Variants in FAM47E observed in about 807,000 individuals in gnomAD.
The protein encoded by FAM47E is protein FAM47E.
Under a neutral mutation model 41.6 loss-of-function variants are expected in FAM47E, and 32 were observed. The ratio of observed to expected loss-of-function variants is 0.77; its 90% CI spans 0.58 to 1.03. The LOEUF (loss-of-function observed/expected upper bound fraction) is 1.03, where lower values mean the gene tolerates loss of function less well. FAM47E is among the 50% of genes least tolerant of loss of function. FAM47E has a pLI of 0.00. For missense variants in FAM47E, 424 were observed against 485.4 expected (o/e 0.87, Z 1.19); for synonymous variants, 184 against 188.7 (o/e 0.98, Z 0.20).
At chr4:76,236,932 G>A (rs1733597759) in intron 2 of FAM47E, among the ~76,000 whole-genome samples, 1 of 144,896 alleles carries the variant, frequency 6.9e-6, no homozygotes, top group Admixed American at 7.0e-5. Context: ...GTCTCACTGT[G>A]TCACCCAGGC....
At chr4:76,220,898 AG>A (rs1250518986) in intron 2 of FAM47E, among the ~76,000 whole-genome samples, 1 of 152,190 alleles carries the variant, frequency 6.6e-6, no homozygotes, top group Non-Finnish European at 1.5e-5. Context: ...CTGGGACCAC[AG>A]GGGTTTCTTC....
At chr4:76,227,209 G>A (rs1733413470) in intron 2 of FAM47E, among the ~76,000 whole-genome samples, 1 of 152,068 alleles carries the variant, frequency 6.6e-6, no homozygotes, top group South Asian at 2.1e-4. Flanking sequence ...GTGCCAGAGG[G>A]TTTGATAAGT....
intron 7 of FAM47E, chr4:76,282,163 C>T (rs1204613904): frequency 2.6e-5 from 4 of 152,172 alleles, no homozygotes. Context: ...CACAATCTTT[C>T]CATAACCTAT....
At chr4:76,272,501 G>T (rs1255155632) in intron 5 of FAM47E, among the ~76,000 whole-genome samples, 1 of 152,114 alleles carries the variant, frequency 6.6e-6, no homozygotes, top group African/African-American at 2.4e-5. Context: ...CAATATTTGG[G>T]ACATATTAAT....
Position 76,283,461 on chromosome 4 carries a change from G to C in FAM47E, c.*3G>C, listed in dbSNP as rs1464337948. 1.3e-6 allele frequency: 2 copies of C among 1,514,410 alleles called. No homozygotes were observed. Among genetic ancestry groups the C allele is most frequent in the Non-Finnish European group, 1.8e-6 (2 of 1,113,758 alleles). The allele number at this position is 1,514,410 out of a possible 1,614,324, so 93.8% of individuals were successfully genotyped here. A position where few individuals can be genotyped will look rare whatever the true frequency, so the allele number is the denominator to read the frequency against. ...CTATAAAACGAACTCAAGCATAGAA[G>C]AATCGTAGGAGAATGATTAGGCAGA... On this transcript the variant is annotated 3_prime_UTR_variant, in exon 8 of 8. Coordinates refer to ENST00000424749, the MANE Select transcript of FAM47E (RefSeq NM_001136570.3).
At chr4:76,276,771 G>A (rs1039970195) in intron 5 of FAM47E, among the ~76,000 whole-genome samples, 4 of 152,214 alleles carry the variant, frequency 2.6e-5, no homozygotes, top group Non-Finnish European at 5.9e-5. Context: ...AGTGTGTGTA[G>A]AGGCACTGAG....
intron 2 of FAM47E, among the ~76,000 whole-genome samples, chr4:76,221,765 G>A (rs766414782): frequency 5.9e-4 from 90 of 152,318 alleles, no homozygotes; most frequent in Middle Eastern, 3.4e-3. Flanking sequence ...GAAGGAGGAC[G>A]TGGGTGAGGA....
intron 2 of FAM47E, among the ~76,000 whole-genome samples, chr4:76,225,526 T>A (rs112311824): frequency 5.3e-5 from 8 of 152,362 alleles, no homozygotes; most frequent in African/African-American, 1.9e-4. Context: ...TGTGGGTTTG[T>A]CATAGATGGC....
rs3733251 is a variant in FAM47E at position 76,271,685 on chromosome 4, A to C, written c.787A>C (p.Lys263Gln). ...GCTAAATCAGGTTCCTCTGGAGCTA[A>C]AGCGTAGTGTGGGGCTCAGTAAACT... Reference protein sequence around the residue: ...MKLNQVPLELKRSVGLSKLQE... With the variant: ...MKLNQVPLELQRSVGLSKLQE... The change falls in exon 5 of 8, where the codon AAG (lysine) becomes CAG (glutamine). Residue 263 changes from lysine to glutamine, a missense_variant. Lys to Gln is a moderately conservative substitution (Grantham distance 53). Transcript: ENST00000424749. 239,039 of 1,551,818 alleles carry C rather than the reference A, an allele frequency of 0.15. 19,540 individuals are homozygous for C. Among genetic ancestry groups the C allele is most frequent in the African/African-American group, 0.28 (20,588 of 73,084 alleles).
intron 2 of FAM47E, among the ~76,000 whole-genome samples, chr4:76,229,489 T>C (rs62303008): frequency 0.39 from 59,024 of 152,088 alleles, 12,695 homozygotes; most frequent in Non-Finnish European, 0.49. Context: ...TGGAAAAAGC[T>C]GGAACTCAAG....
chr4:76,263,719 C>G lies in FAM47E; in HGVS notation c.436C>G (p.Leu146Val). 6.4e-7 allele frequency: 1 copy of G among 1,551,526 alleles called. No homozygotes were observed. Among genetic ancestry groups the G allele is most frequent in the African/African-American group, 1.4e-5 (1 of 73,092 alleles). The change falls in exon 3 of 8, where the codon CTG becomes GTG. Residue 146 changes from leucine (L) to valine (V), a missense_variant. Coordinates refer to ENST00000424749, the MANE Select transcript of FAM47E (RefSeq NM_001136570.3). ...AMPIELLSKV[L>V]EVLDPDRKLE... ...CTGTTTGTAGCTCTTATCAAAGGTGCTGGAAGTGCTTGATCCTGACCGGAA... is the reference window on the plus strand; with the variant it reads ...CTGTTTGTAGCTCTTATCAAAGGTGGTGGAAGTGCTTGATCCTGACCGGAA...
In FAM47E at chr4:76,283,515, C is replaced by T. The variant is rs1376188169; in HGVS notation, c.*57C>T. ...TATTACTACGTACTTGGCTATTTCT[C>T]TGTCTCCTTTTAAAGATTAAACAGA... On this transcript the variant is annotated 3_prime_UTR_variant, in exon 8 of 8. Coordinates refer to ENST00000424749, the MANE Select transcript of FAM47E (RefSeq NM_001136570.3). 3 of 1,055,620 alleles carry T rather than the reference C, an allele frequency of 2.8e-6. No homozygotes were observed. The African/African-American group carries it at 4.8e-5, about 17-fold the overall frequency. 65.4% of individuals were successfully genotyped at this position (1,055,620 alleles called of 1,614,324 possible).
intron 2 of FAM47E, among the ~76,000 whole-genome samples, chr4:76,238,417 G>A (rs1292051945): frequency 6.6e-6 from 1 of 152,180 alleles, no homozygotes; most frequent in African/African-American, 2.4e-5. Context: ...GGCAACAACT[G>A]CTCTGTGGGC....
At chr4:76,265,852 G>GC (rs1409100123) in intron 3 of FAM47E, among the ~76,000 whole-genome samples, 4 of 152,188 alleles carry the variant, frequency 2.6e-5, no homozygotes, top group African/African-American at 9.7e-5. Context: ...ACATCCAGGT[G>GC]CTGGCAGGAT....
rs147993843 is a variant in FAM47E, at chr4:76,232,667, T to C, written c.81+14979T>C. ...ACCTAAACAAGATTGAACATCATTA[T>C]GACAATTTCATTTACCTAGACATGT... On this transcript the variant is annotated intron_variant, in intron 2 of 7. Transcript: ENST00000510197. Among the ~76,000 whole-genome samples, 324 of 152,354 alleles carry C rather than the reference T, an allele frequency of 2.1e-3. 1 individual carries two copies. The highest frequency in any genetic ancestry group is 6.8e-3 in the Middle Eastern group (2 of 294).
At chr4:76,254,762 CCTAA>C (rs2110003554) in intron 1 of FAM47E, among the ~76,000 whole-genome samples, 1 of 152,272 alleles carries the variant, frequency 6.6e-6, no homozygotes, top group African/African-American at 2.4e-5. Flanking sequence ...TCTAGAATTA[CCTAA>C]CTAAGGCACT....
chr4:76,270,985 T>G (rs1734862224), intron 4 of FAM47E, among the ~76,000 whole-genome samples: 1 of 152,246 alleles, frequency 6.6e-6, no homozygotes, highest in Non-Finnish European at 1.5e-5. Context: ...GACTTCATTC[T>G]CTCTGTGTTT....
chr4:76,280,946 C>T (rs1270993172), intron 7 of FAM47E: 1 of 152,390 alleles, frequency 6.6e-6, no homozygotes, highest in East Asian at 1.9e-4. Flanking sequence ...ACAATGTGGT[C>T]CCCCTTTGGA....
At chr4:76,246,238 C>T (rs1174150932) in intron 2 of FAM47E, among the ~76,000 whole-genome samples, 1 of 152,198 alleles carries the variant, frequency 6.6e-6, no homozygotes, top group Non-Finnish European at 1.5e-5. Flanking sequence ...GCTCCAGCCA[C>T]TCTCTACAAG....
Sources: gnomAD v4.1 joint callset for allele counts (sites outside exome capture counted in the v4.1 genomes callset) on GRCh38, gnomAD v4.1.1 for gene constraint, MANE v1.5 for transcripts, NCBI Gene and HGNC (gene_info 2026-07-23, HGNC 2026-07-21) for gene names.